Variants in TRIP4 observed in about 807,000 individuals in gnomAD.
TRIP4 encodes the protein thyroid hormone receptor interactor 4.
Under a neutral mutation model 81.8 loss-of-function variants are expected in TRIP4, and 54 were observed. That is an observed-to-expected ratio of 0.66 (90% CI 0.53 to 0.83). The LOEUF (loss-of-function observed/expected upper bound fraction) is 0.83, where lower values mean the gene tolerates loss of function less well. Among genes scored for constraint, TRIP4 ranks in the 40% least tolerant of loss-of-function variants. The probability of loss-of-function intolerance (pLI) is 0.00; values close to 1 mark genes in which losing one functional copy is unlikely to be tolerated. For missense variants in TRIP4, 662 were observed against 683.6 expected (o/e 0.97, Z 0.35); for synonymous variants, 270 against 242.8 (o/e 1.11, Z -1.04).
chr15:64,388,361 C>T lies in TRIP4; in HGVS notation c.101+397C>T, dbSNP rs543997750. Among the ~76,000 whole-genome samples the T allele has an allele frequency of 2.0e-5, 3 of 152,238 alleles. No individual in the cohort carries two copies. In the South Asian group the frequency reaches 6.2e-4, roughly 32 times the overall value. On this transcript the variant is annotated intron_variant, in intron 1 of 12. Transcript: ENST00000261884. ...AGTCTCTGTCGCCCAGGCTGGCGTG[C>T]GGTGGCGCGATCTTGGCTCACTGCA...
In TRIP4 at chr15:64,445,026, G is replaced by A. The variant is rs7167612; in HGVS notation, c.1596G>A (p.Glu532=). 0.92 allele frequency: 1,460,645 copies of A among 1,586,910 alleles called. 678,355 individuals are homozygous for A. Among genetic ancestry groups the A allele is most frequent in the Non-Finnish European group, 0.95 (1,102,689 of 1,159,376 alleles). The stretch of plus-strand genomic sequence containing the variant: ...CACAGTTTCCAGACATCAGTCAAGA[G>A]TCTGATTCTCCATTTGTTTTCATCT... ...FKEQFPDISQ[E]SDSPFVFICK... The change falls in exon 12 of 13, where the codon GAG becomes GAA. Residue 532 remains glutamate (E), a synonymous_variant. Coordinates refer to ENST00000261884, the MANE Select transcript of TRIP4 (RefSeq NM_016213.5).
chr15:64,394,946 A>T (rs1900246875), intron 2 of TRIP4, among the ~76,000 whole-genome samples: 1 of 152,010 alleles, frequency 6.6e-6, no homozygotes, highest in Non-Finnish European at 1.5e-5. Flanking sequence ...CTGGGCTCAG[A>T]TGATTCTCCC....
chr15:64,447,903 G>A (rs1018982948), intron 12 of TRIP4, among the ~76,000 whole-genome samples: 1 of 152,122 alleles, frequency 6.6e-6, no homozygotes, highest in South Asian at 2.1e-4. Context: ...GTAGAGATGA[G>A]GTCTCACTAT....
At chr15:64,413,121 G>A (rs1215014506) in intron 7 of TRIP4, among the ~76,000 whole-genome samples, 4 of 152,064 alleles carry the variant, frequency 2.6e-5, no homozygotes, top group African/African-American at 9.7e-5. Flanking sequence ...AGCAGACAGA[G>A]GAATAACTGT....
At chr15:64,398,691 C>T (rs1270770872) in intron 4 of TRIP4, among the ~76,000 whole-genome samples, 3 of 152,060 alleles carry the variant, frequency 2.0e-5, no homozygotes, top group Admixed American at 2.0e-4. Context: ...TGACAGAATC[C>T]TCAGATCATT....
chr15:64,391,391 G>A (rs1242535245), intron 1 of TRIP4, among the ~76,000 whole-genome samples: 4 of 151,716 alleles, frequency 2.6e-5, no homozygotes, highest in Admixed American at 1.3e-4. Flanking sequence ...TCCTGACCTC[G>A]TGGTCTGCCC....
chr15:64,412,208 T>C (rs1237027993), intron 7 of TRIP4, among the ~76,000 whole-genome samples: 2 of 152,224 alleles, frequency 1.3e-5, no homozygotes, highest in Non-Finnish European at 2.9e-5. Context: ...ATAGAGATTC[T>C]AGAGTTCTGG....
chr15:64,389,575 C>T (rs537727307), intron 1 of TRIP4, among the ~76,000 whole-genome samples: 1 of 152,008 alleles, frequency 6.6e-6, no homozygotes, highest in Non-Finnish European at 1.5e-5. Flanking sequence ...CTTGCTTGAA[C>T]GCAGTCAGAT....
intron 3 of TRIP4, among the ~76,000 whole-genome samples, chr15:64,396,994 A>G (rs1900313875): frequency 6.6e-6 from 1 of 152,224 alleles, no homozygotes; most frequent in South Asian, 2.1e-4. Flanking sequence ...TTTGACGACT[A>G]ATGAAATTGA....
chr15:64,388,138 T>A, intron 1 of TRIP4, 174 bp downstream of exon 1: 1 of 1,176,380 alleles, frequency 8.5e-7, no homozygotes, highest in South Asian at 2.7e-5. Flanking sequence ...GTTTCTGGAA[T>A]AGGGTGTCCG....
chr15:64,435,952 C>G (rs985542285), intron 11 of TRIP4, among the ~76,000 whole-genome samples: 2 of 146,894 alleles, frequency 1.4e-5, no homozygotes, highest in Non-Finnish European at 3.0e-5. Context: ...AACCATTCTA[C>G]ATCATGTCAC....
intron 11 of TRIP4, among the ~76,000 whole-genome samples, chr15:64,426,930 G>T (rs1423411368): frequency 6.6e-6 from 1 of 151,708 alleles, no homozygotes. Context: ...AACCCAGAAG[G>T]CAGAGGTTGC....
intron 11 of TRIP4, among the ~76,000 whole-genome samples, chr15:64,442,274 C>T (rs1892534457): frequency 6.6e-6 from 1 of 151,902 alleles, no homozygotes; most frequent in Non-Finnish European, 1.5e-5. Flanking sequence ...AAACAGACCA[C>T]TTAAGAGGTT....
intron 11 of TRIP4, among the ~76,000 whole-genome samples, chr15:64,437,627 G>A (rs935962011): frequency 2.6e-5 from 4 of 151,816 alleles, no homozygotes; most frequent in Admixed American, 6.6e-5. Context: ...TGAGTAGCTG[G>A]TATTACAGGC....
Position 64,419,825 on chromosome 15 carries a change from C to CT in TRIP4, c.1358+1105dup, listed in dbSNP as rs1372550974. 4.6e-5 allele frequency among the ~76,000 whole-genome samples: 7 copies of CT among 150,768 alleles called. No homozygotes were observed. In the East Asian group the frequency reaches 7.9e-4, roughly 17 times the overall value. On this transcript the variant is annotated intron_variant, in intron 9 of 12. Transcript: ENST00000261884. ...AGCATTTTGGAGTGTTTCTATCTTT[C>CT]TTTTTTTTGAGACAGAGTCTTGCTC... is the stretch of plus-strand genomic sequence containing the variant.
chr15:64,408,297 C>T (rs1200324682), intron 6 of TRIP4, among the ~76,000 whole-genome samples: 111 of 125,168 alleles, frequency 8.9e-4, no homozygotes, highest in African/African-American at 3.5e-3. Context: ...CTTGCTCTGT[C>T]GCCTGGGCTG....
intron 10 of TRIP4, among the ~76,000 whole-genome samples, chr15:64,424,715 T>A (rs184822079): frequency 1.3e-5 from 2 of 152,346 alleles, no homozygotes; most frequent in Admixed American, 6.5e-5. Flanking sequence ...TAAAGGTTTT[T>A]AAGAAACAAG....
intron 8 of TRIP4, among the ~76,000 whole-genome samples, chr15:64,414,572 AG>A (rs1427850139): frequency 5.8e-5 from 7 of 120,946 alleles, no homozygotes; most frequent in African/African-American, 2.2e-4. Flanking sequence ...GCTGGAGTGC[AG>A]TGGCATGATC....
intron 1 of TRIP4, 36 bp from the exon 2 acceptor site, chr15:64,393,910 G>A: frequency 6.5e-7 from 1 of 1,533,018 alleles, no homozygotes; most frequent in South Asian, 1.3e-5. Context: ...GTGTAAGTTA[G>A]TCTTGTTTCA....
Sources: allele counts gnomAD v4.1 joint callset (sites outside exome capture counted in the v4.1 genomes callset), GRCh38; gene constraint gnomAD v4.1.1; transcripts MANE v1.5; gene names NCBI Gene and HGNC (gene_info 2026-07-23, HGNC 2026-07-21).